Variants in HSD17B12 observed in about 807,000 individuals in gnomAD.
HSD17B12 encodes the protein hydroxysteroid 17-beta dehydrogenase 12.
Under a neutral mutation model 39.3 loss-of-function variants are expected in HSD17B12, and 32 were observed. That is an observed-to-expected ratio of 0.81 (90% confidence interval 0.61 to 1.09). The LOEUF (loss-of-function observed/expected upper bound fraction) is 1.09, where lower values mean the gene tolerates loss of function less well. Ranked by LOEUF, HSD17B12 falls within the 50% of genes least tolerant of loss-of-function variation. HSD17B12 has a pLI of 0.00. For synonymous variants in HSD17B12, 150 were observed against 146.7 expected (o/e 1.02, Z -0.16); for missense variants, 342 against 382.9 (o/e 0.89, Z 0.89).
chr11:43,710,951 C>T (rs1212985363), intron 1 of HSD17B12, among the ~76,000 whole-genome samples: 1 of 152,116 alleles, frequency 6.6e-6, no homozygotes, highest in Non-Finnish European at 1.5e-5. Context: ...CGCCACCACG[C>T]CTGGCTAATT....
the HSD17B12 span, among the ~76,000 whole-genome samples, chr11:43,608,834 A>G: frequency 6.6e-6 from 1 of 152,176 alleles, no homozygotes; most frequent in Non-Finnish European, 1.5e-5. Context: ...AGCTCTTCGA[A>G]GGCCTCCAAA....
At chr11:43,681,045 CCGTGATGACTAGTTCTGGGG>C in intron 1 of HSD17B12, 58 bp downstream of exon 1, 2 of 1,496,506 alleles carry the variant, frequency 1.3e-6, no homozygotes, top group Non-Finnish European at 1.8e-6. Flanking sequence ...CAGGCCTGGG[CCGTGATGACTAGTTCTGGGG>C]TCTGCTCCTG....
intron 4 of HSD17B12, among the ~76,000 whole-genome samples, chr11:43,805,388 A>G (rs1951008379): frequency 6.6e-6 from 1 of 152,202 alleles, no homozygotes; most frequent in African/African-American, 2.4e-5. Flanking sequence ...TCATTTTAAA[A>G]TGGAGAACAA....
intron 1 of HSD17B12, among the ~76,000 whole-genome samples, chr11:43,731,286 T>A (rs774876360): frequency 1.3e-3 from 195 of 152,328 alleles, no homozygotes; most frequent in Non-Finnish European, 2.1e-3. Context: ...CGTGAGCCAC[T>A]GCGCCCAGCC....
intron 1 of HSD17B12, among the ~76,000 whole-genome samples, chr11:43,695,821 A>G (rs964180159): frequency 6.6e-6 from 1 of 152,170 alleles, no homozygotes; most frequent in Non-Finnish European, 1.5e-5. Flanking sequence ...TCATTCCTTC[A>G]GCAGATAAAT....
intron 6 of HSD17B12, among the ~76,000 whole-genome samples, chr11:43,822,607 T>C (rs1951193866): frequency 6.6e-6 from 1 of 152,184 alleles, no homozygotes; most frequent in Non-Finnish European, 1.5e-5. Flanking sequence ...CTTGCGATAG[T>C]TTGCTGAGAA....
At chr11:43,572,089 G>A in the HSD17B12 span, among the ~76,000 whole-genome samples, 1 of 152,200 alleles carries the variant, frequency 6.6e-6, no homozygotes, top group South Asian at 2.1e-4. Flanking sequence ...TTGGAAGACT[G>A]GACCAGGGAG....
chr11:43,619,933 T>A, the HSD17B12 span, among the ~76,000 whole-genome samples: 1 of 152,244 alleles, frequency 6.6e-6, no homozygotes, highest in African/African-American at 2.4e-5. Flanking sequence ...CAAGGCCCAG[T>A]TGTCCACTGA....
chr11:43,709,783 T>C (rs1044661207), intron 1 of HSD17B12, among the ~76,000 whole-genome samples: 1 of 152,192 alleles, frequency 6.6e-6, no homozygotes, highest in Non-Finnish European at 1.5e-5. Flanking sequence ...CCCCCTTTTT[T>C]GAATAGAAAA....
At chr11:43,737,167 T>C (rs1010457421) in intron 1 of HSD17B12, among the ~76,000 whole-genome samples, 1 of 152,200 alleles carries the variant, frequency 6.6e-6, no homozygotes, top group African/African-American at 2.4e-5. Context: ...GCATGGACTT[T>C]ACAGTCAGAA....
chr11:43,605,255 A>C, the HSD17B12 span, among the ~76,000 whole-genome samples: 3 of 151,790 alleles, frequency 2.0e-5, no homozygotes, highest in Non-Finnish European at 2.9e-5. Flanking sequence ...TTTTTTTCTG[A>C]GTGGCGGAAA....
chr11:43,849,945 A>T (rs1213967470), intron 9 of HSD17B12, among the ~76,000 whole-genome samples: 1 of 152,240 alleles, frequency 6.6e-6, no homozygotes, highest in African/African-American at 2.4e-5. Context: ...CTTGAATGTT[A>T]ACATACAAAT....
intron 3 of HSD17B12, among the ~76,000 whole-genome samples, chr11:43,776,076 G>A: frequency 6.6e-6 from 1 of 152,102 alleles, no homozygotes; most frequent in Non-Finnish European, 1.5e-5. Flanking sequence ...ACGTGTGCAT[G>A]CGTCTTTATA....
chr11:43,690,745 C>T (rs1287713616), intron 1 of HSD17B12, among the ~76,000 whole-genome samples: 1 of 151,878 alleles, frequency 6.6e-6, no homozygotes, highest in Non-Finnish European at 1.5e-5. Context: ...CTTTTGAATC[C>T]CAGCTCAGCT....
chr11:43,626,336 T>C, the HSD17B12 span, among the ~76,000 whole-genome samples: 1 of 151,890 alleles, frequency 6.6e-6, no homozygotes, highest in Non-Finnish European at 1.5e-5. Context: ...AATTTGGTAT[T>C]CTGTTGTTCA....
At chr11:43,619,655 G>A in the HSD17B12 span, among the ~76,000 whole-genome samples, 1 of 152,054 alleles carries the variant, frequency 6.6e-6, no homozygotes, top group Non-Finnish European at 1.5e-5. Context: ...GCCTCCCAGA[G>A]TGTTGGGATT....
chr11:43,765,788 G>A (rs1462160179), intron 3 of HSD17B12, among the ~76,000 whole-genome samples: 2 of 152,100 alleles, frequency 1.3e-5, no homozygotes, highest in Admixed American at 1.3e-4. Flanking sequence ...TCCAGACATT[G>A]TCCTTTTTCT....
the HSD17B12 span, among the ~76,000 whole-genome samples, chr11:43,619,177 ATATAAAATATATATATATAT>A: frequency 1.3e-5 from 1 of 79,760 alleles, no homozygotes; most frequent in African/African-American, 4.3e-5. Context: ...ATATATATAT[ATATAAAATATATATATATAT>A]GATATATATA....
chr11:43,716,450 A>G (rs535249744), intron 1 of HSD17B12, among the ~76,000 whole-genome samples: 2 of 152,304 alleles, frequency 1.3e-5, no homozygotes, highest in Admixed American at 6.5e-5. Flanking sequence ...GTAATACTTT[A>G]TAATTTGCCA....
Sources: gnomAD v4.1 joint callset for allele counts (sites outside exome capture counted in the v4.1 genomes callset) on GRCh38, gnomAD v4.1.1 for gene constraint, MANE v1.5 for transcripts, NCBI Gene and HGNC (gene_info 2026-07-23, HGNC 2026-07-21) for gene names.